CXXC1: variants seen among roughly 807,000 people sequenced by gnomAD.
The protein encoded by CXXC1 is CXXC finger protein 1, also known as CXXC-type zinc finger protein 1.
A neutral mutation model predicts 83.6 loss-of-function variants in CXXC1; 21 were observed. The ratio of observed to expected loss-of-function variants is 0.25; its 90% CI spans 0.18 to 0.36. The LOEUF is 0.36. Ranked by LOEUF, CXXC1 falls within the 10% of genes least tolerant of loss-of-function variation. The probability of loss-of-function intolerance (pLI) is 1.00; values close to 1 mark genes in which losing one functional copy is unlikely to be tolerated. For missense variants in CXXC1, 688 were observed against 919.5 expected, an observed-to-expected ratio of 0.75 and a Z score of 3.26; for synonymous variants, 371 against 337.5, an observed-to-expected ratio of 1.10 and a Z score of -1.09.
In CXXC1 at chr18:50,282,569, T is replaced by A; in HGVS notation, c.*24A>T. On this transcript the variant is annotated 3_prime_UTR_variant, in exon 15 of 15. Transcript: ENST00000285106. The surrounding 1 kb of genome is among the most constrained non-coding windows in gnomAD (Gnocchi z 5.8). Reference sequence around the variant, plus strand: ...CGGCTCCCCCATCTGGAATGCAGGGTGTAAGGGGTCCGGGCCAGGAGGCTC... The same window carrying A: ...CGGCTCCCCCATCTGGAATGCAGGGAGTAAGGGGTCCGGGCCAGGAGGCTC... 2 of 1,602,174 alleles carry A rather than the reference T, an allele frequency of 1.2e-6. No individual in the cohort carries two copies. Among genetic ancestry groups the A allele is most frequent in the Non-Finnish European group, 1.7e-6 (2 of 1,179,490 alleles).
At chr18:50,287,563 C>CCCCT (rs762111450) in intron 1 of CXXC1, 24 bp downstream of exon 1, 1 of 1,612,374 alleles carries the variant, frequency 6.2e-7, no homozygotes, top group South Asian at 1.1e-5. Flanking sequence ...CACCGCCGAA[C>CCCCT]CCCTCCCTGG....
At position 50,286,543 on chromosome 18, in the gene CXXC1, G is replaced by A; in HGVS notation, c.219C>T (p.Cys73=). 1 of 1,613,610 alleles carries A rather than the reference G, an allele frequency of 6.2e-7. No individual in the cohort carries two copies. Among genetic ancestry groups the A allele is most frequent in the Non-Finnish European group, 8.5e-7 (1 of 1,179,672 alleles). The change falls in exon 3 of 15, where the codon TGC becomes TGT. Residue 73 remains cysteine, a synonymous_variant. Coordinates refer to ENST00000285106, the MANE Select transcript of CXXC1 (RefSeq NM_014593.4). ...CTGTCCATCCATGGCCCTCACCTCT[G>A]CACTCCCGACAGTACCACTCCCGGA... The part of the protein sequence containing the change: ...KAIREWYCRE[C]REKDPKLEIR...
At chr18:50,286,978 G>T in intron 1 of CXXC1, 120 bp from the exon 2 acceptor site, 1 of 751,782 alleles carries the variant, frequency 1.3e-6, no homozygotes, top group Non-Finnish European at 2.3e-6. Flanking sequence ...TCACATCGGG[G>T]CCCCCAAAAA....
rs1599656365 is a variant in CXXC1 at position 50,282,690 on chromosome 18, G to A, written c.1874C>T (p.Ala625Val). The A allele has an allele frequency of 1.9e-6, 3 of 1,613,818 alleles. No homozygotes were observed. Among genetic ancestry groups the A allele is most frequent in the Non-Finnish European group, 8.5e-7 (1 of 1,180,034 alleles). Reference protein sequence around the residue: ...LFEQERNVRTAMTNRAGLLAL... With the variant: ...LFEQERNVRTVMTNRAGLLAL... ...CAGCAATCCCGCGCGGTTTGTCATG[G>A]CTGTGCGCACATTGCGCTCCTGCTC... The change falls in exon 15 of 15, where the codon GCC (alanine) becomes GTC (valine). Residue 625 changes from alanine to valine, a missense_variant. Physicochemically the swap from Ala to Val is moderately conservative, Grantham distance 64. Around this residue, in one of 9 missense-constraint regions of CXXC1, gnomAD observed 114 missense variants for 173.3 expected, o/e 0.66. Coordinates refer to ENST00000285106, the MANE Select transcript of CXXC1 (RefSeq NM_014593.4). The surrounding 1 kb of genome is among the most constrained non-coding windows in gnomAD (Gnocchi z 5.8).
intron 1 of CXXC1, 56 bp downstream of exon 1, chr18:50,287,531 C>T (rs2040735277): frequency 6.2e-7 from 1 of 1,606,842 alleles, no homozygotes; most frequent in Non-Finnish European, 8.5e-7. Context: ...ACAGACCCCA[C>T]TGTTGCCAAC....
rs970755189 is a variant in CXXC1, at chr18:50,285,149, A to G, written c.765T>C (p.Arg255=). ...PQPSQKLGRI[R]EDEGAVASST... ...ATGACGCCACTGCCCCCTCATCTTC[A>G]CGGATGCGCCCTAACTTCTGTGATG... is the stretch of plus-strand genomic sequence containing the variant. The change falls in exon 7 of 15, where the codon CGT becomes CGC. Residue 255 remains arginine (R), a synonymous_variant. Coordinates refer to ENST00000285106, the MANE Select transcript of CXXC1 (RefSeq NM_014593.4). This position sits in a 1 kb window ranked among gnomAD's most constrained non-coding sequence, Gnocchi z 4.4. 2.5e-6 allele frequency: 4 copies of G among 1,614,042 alleles called. No individual in the cohort carries two copies. The highest frequency in any genetic ancestry group is 3.4e-6 in the Non-Finnish European group (4 of 1,180,000).
In CXXC1 at chr18:50,285,700, C is replaced by T. The variant is rs1409596659; in HGVS notation, c.639+49G>A. ...CTAGACTTAACTAACCATGCATGGA[C>T]CCACCAGCTCTCCCACACCTGACCC... is the stretch of plus-strand genomic sequence containing the variant. On this transcript the variant is annotated intron_variant, in intron 5 of 14. Transcript: ENST00000285106. This position sits in a 1 kb window ranked among gnomAD's most constrained non-coding sequence, Gnocchi z 4.4. 6.3e-7 allele frequency: 1 copy of T among 1,593,668 alleles called. No individual in the cohort carries two copies.
intron 13 of CXXC1, 71 bp from the exon 14 acceptor site, chr18:50,283,077 G>C: frequency 6.5e-7 from 1 of 1,548,972 alleles, no homozygotes; most frequent in East Asian, 2.3e-5. Context: ...CTCAAGGAGG[G>C]AGAAGGAAAA....
rs1268782010 is a variant in CXXC1, at chr18:50,285,738, T to C, written c.639+11A>G. The stretch of plus-strand genomic sequence containing the variant: ...CCACACCTGACCCTACCCAGCTCTG[T>C]CCATGCTCACCCGGGCCCGCAGCTG... On this transcript the variant is annotated intron_variant, in intron 5 of 14. Coordinates refer to ENST00000285106, the MANE Select transcript of CXXC1 (RefSeq NM_014593.4). The surrounding 1 kb of genome is among the most constrained non-coding windows in gnomAD (Gnocchi z 4.4). 1.9e-6 allele frequency: 3 copies of C among 1,610,516 alleles called. No individual in the cohort carries two copies. The highest frequency in any genetic ancestry group is 2.5e-6 in the Non-Finnish European group (3 of 1,179,884).
In CXXC1 at chr18:50,285,234, G is replaced by A. The variant is rs146150722; in HGVS notation, c.680C>T (p.Thr227Met). The A allele has an allele frequency of 4.7e-4, 765 of 1,614,138 alleles. 5 individuals carry two copies. In the East Asian group the frequency reaches 0.013, roughly 28 times the overall value. The part of the protein sequence containing the change: ...KYFPSSLSPV[T>M]PSESLPRPRR... ...GGGCCTTGGCAGGGACTCTGAGGGCGTCACTGGTGAGAGCTGCAGGGCAGA... is the reference window on the plus strand; with the variant it reads ...GGGCCTTGGCAGGGACTCTGAGGGCATCACTGGTGAGAGCTGCAGGGCAGA... Residue 227 changes from threonine to methionine, a missense_variant, in exon 7 of 15, where the codon ACG becomes ATG. Transcript: ENST00000285106. This position sits in a 1 kb window ranked among gnomAD's most constrained non-coding sequence, Gnocchi z 4.4.
chr18:50,286,473 C>T, intron 3 of CXXC1, 66 bp downstream of exon 3: 2 of 1,350,484 alleles, frequency 1.5e-6, no homozygotes, highest in East Asian at 2.3e-5. Context: ...CCCATAACCC[C>T]CCCTTGTGGC....
Position 50,282,856 on chromosome 18 carries a change from C to G in CXXC1, c.1822G>C (p.Val608Leu), listed in dbSNP as rs1232990066. ...ACCAAAACCGCACAGAAACCTACCA[C>G]ACGCACGCGCTCCAAGTCCACTTCC... ...RAEVDLERVR[V>L]WYKLDELFEQ... The change falls in exon 14 of 15, where the codon GTG becomes CTG. Residue 608 changes from valine (V) to leucine (L), a missense_variant and splice_region_variant. By Grantham distance (32) the Val-to-Leu change is conservative (BLOSUM62 1). This residue lies in a region of CXXC1 where 114 missense variants were observed against 173.3 expected (regional missense o/e 0.66). Coordinates refer to ENST00000285106, the MANE Select transcript of CXXC1 (RefSeq NM_014593.4). This position sits in a 1 kb window ranked among gnomAD's most constrained non-coding sequence, Gnocchi z 5.8. 9 of 1,614,154 alleles carry G rather than the reference C, an allele frequency of 5.6e-6. No individual in the cohort carries two copies. The highest frequency in any genetic ancestry group is 7.6e-6 in the Non-Finnish European group (9 of 1,179,972).
At chr18:50,283,683 C>T (rs1239560824) in intron 11 of CXXC1, 22 bp downstream of exon 11, 3 of 1,612,304 alleles carry the variant, frequency 1.9e-6, no homozygotes, top group African/African-American at 1.3e-5. Context: ...CATGGTCCGC[C>T]CCCTCAGTCT....
intron 2 of CXXC1, 27 bp from the exon 3 acceptor site, chr18:50,286,666 G>A (rs2040719870): frequency 6.2e-7 from 1 of 1,611,748 alleles, no homozygotes; most frequent in Non-Finnish European, 8.5e-7. Flanking sequence ...AGGCGATGGA[G>A]ATGTGAGGGG....
intron 1 of CXXC1, 132 bp downstream of exon 1, chr18:50,287,455 C>A (rs1248275865): frequency 9.0e-7 from 1 of 1,106,442 alleles, no homozygotes; most frequent in Non-Finnish European, 1.3e-6. Context: ...TCATTCTGCC[C>A]ATAGACTCCC....
Position 50,285,926 on chromosome 18 carries a change from A to C in CXXC1, c.462T>G (p.His154Gln). 1 of 1,614,044 alleles carries C rather than the reference A, an allele frequency of 6.2e-7. No individual in the cohort carries two copies. Among genetic ancestry groups the C allele is most frequent in the South Asian group, 1.1e-5 (1 of 91,088 alleles). Residue 154 changes from histidine to glutamine, a missense_variant and splice_region_variant, in exon 5 of 15, where the codon CAT (histidine) becomes CAG (glutamine). Physicochemically the swap from His to Gln is conservative, Grantham distance 24. Transcript: ENST00000285106. The surrounding 1 kb of genome is among the most constrained non-coding windows in gnomAD (Gnocchi z 4.4). ...PQPLVATPSQHHQQQQQQIKR... is the reference protein window; with the variant it reads ...PQPLVATPSQQHQQQQQQIKR... ...TGATCTGCTGCTGCTGCTGCTGGTG[A>C]TGCTGCAGGAGGGGGCCCAGAACAG...
chr18:50,283,929 G>T lies in CXXC1; in HGVS notation c.1378C>A (p.Arg460Ser). ...TCGCGCACAGCCTGCTGCTTGGCACGTAGAATGATGGCCTCAAGCTCATGG... is the reference window on the plus strand; with the variant it reads ...TCGCGCACAGCCTGCTGCTTGGCACTTAGAATGATGGCCTCAAGCTCATGG... ...RFHELEAIIL[R>S]AKQQAVREDE... The change falls in exon 10 of 15, where the codon CGT becomes AGT. Residue 460 changes from arginine to serine, a missense_variant. Around this residue, in one of 9 missense-constraint regions of CXXC1, gnomAD observed 100 missense variants for 142.5 expected, o/e 0.70. Coordinates refer to ENST00000285106, the MANE Select transcript of CXXC1 (RefSeq NM_014593.4). 6.2e-7 allele frequency: 1 copy of T among 1,614,048 alleles called. No homozygotes were observed. The highest frequency in any genetic ancestry group is 8.5e-7 in the Non-Finnish European group (1 of 1,180,034).
chr18:50,286,853 T>C lies in CXXC1; in HGVS notation c.9A>G (p.Gly3=). The change falls in exon 2 of 15, where the codon GGA becomes GGG. Residue 3 remains glycine (G), a synonymous_variant. Coordinates refer to ENST00000285106, the MANE Select transcript of CXXC1 (RefSeq NM_014593.4). ...CTGGAGGCTCTGGGTCTGAACCATC[T>C]CCCTCCTGCAGGACACCCCCATTAC... is the stretch of plus-strand genomic sequence containing the variant. ME[G]DGSDPEPPDA... is the part of the protein sequence containing the mutation. The C allele has an allele frequency of 1.9e-6, 3 of 1,610,582 alleles. No individual in the cohort carries two copies. Among genetic ancestry groups the C allele is most frequent in the East Asian group, 2.2e-5 (1 of 44,844 alleles).
intron 3 of CXXC1, 117 bp downstream of exon 3, chr18:50,286,422 G>A: frequency 9.3e-7 from 1 of 1,070,668 alleles, no homozygotes; most frequent in Non-Finnish European, 1.4e-6. Context: ...TACTCACAAT[G>A]GAGCCCCATT....
Sources: gnomAD v4.1 joint callset for allele counts on GRCh38, gnomAD v4.1.1 for gene constraint, gnomAD v4.1.1 regional missense constraint, Gnocchi (gnomAD v3.1) non-coding constraint, MANE v1.5 for transcripts, NCBI Gene and HGNC (gene_info 2026-07-23, HGNC 2026-07-21) for gene names.